The following HIPK3 variants were observed in gnomAD, a reference collection of about 807,000 sequenced individuals.
HIPK3 encodes the protein homeodomain-interacting protein kinase 3.
HIPK3 carries 47 observed loss-of-function variants against 124.2 expected under a neutral mutation model. That is an observed-to-expected ratio of 0.38 (90% CI 0.30 to 0.48). The LOEUF (loss-of-function observed/expected upper bound fraction) is 0.48, where lower values mean the gene tolerates loss of function less well. HIPK3 is among the 20% of genes least tolerant of loss of function. HIPK3 has a pLI of 0.98. For missense variants in HIPK3, 1,286 were observed against 1,454.3 expected (o/e 0.88, Z 1.88); for synonymous variants, 482 against 515.2 (o/e 0.94, Z 0.87).
At chr11:33,339,630 A>G in intron 6 of HIPK3, 96 bp downstream of exon 6, 1 of 889,220 alleles carries the variant, frequency 1.1e-6, no homozygotes, top group Non-Finnish European at 1.7e-6. Context: ...CATTAAACAC[A>G]AGTAACCTGA....
At position 33,257,719 on chromosome 11, in the gene HIPK3, C is replaced by T; in HGVS notation, c.-173C>T. 1 of 990,000 alleles carries T rather than the reference C, an allele frequency of 1.0e-6. No individual in the cohort carries two copies. The highest frequency in any genetic ancestry group is 1.2e-6 in the Non-Finnish European group (1 of 833,046). The allele number at this position is 990,000 out of a possible 1,614,324, so 61.3% of individuals were successfully genotyped here. On this transcript the variant is annotated 5_prime_UTR_variant, in exon 1 of 17. Coordinates refer to ENST00000303296, the MANE Select transcript of HIPK3 (RefSeq NM_005734.5). ...GGGAGGGTGTTTCGCCGTTTCCTCT[C>T]AGCCGCCAGGACAAGATGGCAGCGG... is the stretch of plus-strand genomic sequence containing the variant.
At chr11:33,310,620 A>G (rs1430760735) in intron 2 of HIPK3, among the ~76,000 whole-genome samples, 6 of 152,140 alleles carry the variant, frequency 3.9e-5, no homozygotes, top group Non-Finnish European at 1.5e-5. Flanking sequence ...ATTTAAGTTT[A>G]AATTAATTAA....
At chr11:33,344,942 A>G (rs538181761) in intron 8 of HIPK3, among the ~76,000 whole-genome samples, 2 of 152,276 alleles carry the variant, frequency 1.3e-5, no homozygotes, top group Non-Finnish European at 2.9e-5. Context: ...GTGTCAATCC[A>G]TTTACAAGAA....
chr11:33,287,333 G>T lies in HIPK3; in HGVS notation c.919G>T (p.Ala307Ser). ...GATTCGGCCCATTCTTCAACAAGTG[G>T]CCACTGCACTGAAAAAATTGAAAAG... ...KVIRPILQQV[A>S]TALKKLKSLG... Residue 307 changes from alanine to serine, a missense_variant, in exon 2 of 17, where the codon GCC becomes TCC. Physicochemically the swap from Ala to Ser is moderately conservative, Grantham distance 99. This residue lies in a region of HIPK3 where 251 missense variants were observed against 349.1 expected (regional missense o/e 0.72). Coordinates refer to ENST00000303296, the MANE Select transcript of HIPK3 (RefSeq NM_005734.5). The T allele has an allele frequency of 6.2e-7, 1 of 1,614,112 alleles. No homozygotes were observed. The highest frequency in any genetic ancestry group is 8.5e-7 in the Non-Finnish European group (1 of 1,180,006).
chr11:33,328,121 T>C (rs1852863948), intron 2 of HIPK3, among the ~76,000 whole-genome samples: 1 of 152,204 alleles, frequency 6.6e-6, no homozygotes. Flanking sequence ...TTGTTTTCTC[T>C]CTCAATGTCT....
At chr11:33,320,397 C>T (rs1215617830) in intron 2 of HIPK3, among the ~76,000 whole-genome samples, 1 of 152,030 alleles carries the variant, frequency 6.6e-6, no homozygotes, top group African/African-American at 2.4e-5. Context: ...AAGGTGGTTA[C>T]ATTGTGAGGA....
In HIPK3 at chr11:33,301,630, A is replaced by C. The variant is rs1244733272; in HGVS notation, c.1097+14119A>C. On this transcript the variant is annotated intron_variant, in intron 2 of 16. Coordinates refer to ENST00000303296, the MANE Select transcript of HIPK3 (RefSeq NM_005734.5). ...GGACCCCATCTCTATAAAAAAAAAA[A>C]AAAAAAACTTGGGCATGGTGGAGCA... is the stretch of plus-strand genomic sequence containing the variant. 3.3e-5 allele frequency among the ~76,000 whole-genome samples: 5 copies of C among 151,732 alleles called. No homozygotes were observed. In the South Asian group the frequency reaches 8.3e-4, roughly 25 times the overall value.
At chr11:33,343,247 TTGTG>T (rs3884092) in intron 8 of HIPK3, among the ~76,000 whole-genome samples, 31,197 of 141,328 alleles carry the variant, frequency 0.22, 3,595 homozygotes, top group Middle Eastern at 0.32. Context: ...TTATTTGATT[TTGTG>T]TGTGTGTGTG....
At chr11:33,261,826 A>G (rs1354764190) in intron 1 of HIPK3, among the ~76,000 whole-genome samples, 3 of 152,172 alleles carry the variant, frequency 2.0e-5, no homozygotes, top group Non-Finnish European at 4.4e-5. Context: ...ACTAATTTAC[A>G]TTCCCACCAA....
At chr11:33,260,428 T>C (rs1850792039) in intron 1 of HIPK3, among the ~76,000 whole-genome samples, 1 of 152,250 alleles carries the variant, frequency 6.6e-6, no homozygotes, top group Non-Finnish European at 1.5e-5. Flanking sequence ...TGCCGCAATA[T>C]TATTTTTCAG....
chr11:33,334,592 G>A (rs933558142), intron 3 of HIPK3, among the ~76,000 whole-genome samples: 9 of 151,598 alleles, frequency 5.9e-5, no homozygotes, highest in African/African-American at 2.2e-4. Context: ...ATTGGAAGAA[G>A]AAAAATTGTC....
At chr11:33,289,970 T>C (rs760928423) in intron 2 of HIPK3, among the ~76,000 whole-genome samples, 17 of 152,216 alleles carry the variant, frequency 1.1e-4, no homozygotes, top group Non-Finnish European at 2.4e-4. Context: ...TTCAGTTCCA[T>C]CCATGTTGTT....
At chr11:33,279,434 G>A (rs1469979266) in intron 1 of HIPK3, among the ~76,000 whole-genome samples, 2 of 150,444 alleles carry the variant, frequency 1.3e-5, no homozygotes, top group African/African-American at 4.9e-5. Flanking sequence ...CAAATAAATT[G>A]AATATAACTT....
chr11:33,291,935 A>T (rs1851709319), intron 2 of HIPK3, among the ~76,000 whole-genome samples: 1 of 152,208 alleles, frequency 6.6e-6, no homozygotes, highest in African/African-American at 2.4e-5. Flanking sequence ...GTATGTAATG[A>T]TAAACAGTTA....
At chr11:33,296,781 C>A (rs986025093) in intron 2 of HIPK3, among the ~76,000 whole-genome samples, 5 of 152,186 alleles carry the variant, frequency 3.3e-5, no homozygotes, top group African/African-American at 1.2e-4. Context: ...CTCTCCTTCT[C>A]CTCTGGCCTC....
chr11:33,283,174 G>A (rs1044851324), intron 1 of HIPK3, among the ~76,000 whole-genome samples: 1 of 151,468 alleles, frequency 6.6e-6, no homozygotes, highest in Admixed American at 6.6e-5. Context: ...GCAGTGGCGC[G>A]ATCTCTGCTC....
rs1347626552 is a variant in HIPK3, at chr11:33,267,650, C to T, written c.-3+9761C>T. Among the ~76,000 whole-genome samples, 5 of 151,956 alleles carry T rather than the reference C, an allele frequency of 3.3e-5. No homozygotes were observed. The South Asian group carries it at 8.3e-4, about 25-fold the overall frequency. On this transcript the variant is annotated intron_variant, in intron 1 of 16. Coordinates refer to ENST00000303296, the MANE Select transcript of HIPK3 (RefSeq NM_005734.5). ...AGCTGGGACTAGGCTCCCGCCACCA[C>T]GCCCAGCTAAAATCTTTTTGTATTT...
chr11:33,318,080 C>G (rs1441833015), intron 2 of HIPK3, among the ~76,000 whole-genome samples: 2 of 152,102 alleles, frequency 1.3e-5, no homozygotes, highest in African/African-American at 4.8e-5. Context: ...TGCTAGAATT[C>G]TCTTAAATAT....
At chr11:33,317,852 C>T (rs1852551487) in intron 2 of HIPK3, among the ~76,000 whole-genome samples, 1 of 152,196 alleles carries the variant, frequency 6.6e-6, no homozygotes, top group Admixed American at 6.5e-5. Context: ...ATCACACCTA[C>T]TGACTAGTAG....
Sources: gnomAD v4.1 joint callset for allele counts (sites outside exome capture counted in the v4.1 genomes callset) on GRCh38, gnomAD v4.1.1 for gene constraint, gnomAD v4.1.1 regional missense constraint, MANE v1.5 for transcripts, NCBI Gene and HGNC (gene_info 2026-07-23, HGNC 2026-07-21) for gene names.